Variants in RIMBP2 observed in about 807,000 individuals in gnomAD.
RIMBP2 encodes RIMS-binding protein 2.
In RIMBP2, 48 loss-of-function variants were observed where a neutral mutation model predicts 118.6. The observed-to-expected ratio is 0.40, with a 90% confidence interval of 0.32 to 0.51. The LOEUF is 0.51. Among genes scored for constraint, RIMBP2 ranks in the 20% least tolerant of loss-of-function variants. RIMBP2 has a pLI of 0.41. For synonymous variants in RIMBP2, 762 were observed against 742.9 expected, an observed-to-expected ratio of 1.03 and a Z score of -0.42; for missense variants, 1,551 against 1,768.3, an observed-to-expected ratio of 0.88 and a Z score of 2.20.
At chr12:130,451,759 G>A (rs1470806328) in intron 7 of RIMBP2, among the ~76,000 whole-genome samples, 2 of 152,260 alleles carry the variant, frequency 1.3e-5, no homozygotes, top group African/African-American at 4.8e-5. Flanking sequence ...GAGAGAAAGT[G>A]GATCCCGGCG....
intron 4 of RIMBP2, among the ~76,000 whole-genome samples, chr12:130,489,899 G>T (rs992972012): frequency 2.0e-5 from 3 of 152,110 alleles, no homozygotes; most frequent in African/African-American, 7.2e-5. Flanking sequence ...GCCAAGGAGG[G>T]TGGATCACAA....
At chr12:130,490,953 CCT>C (rs1225542990) in intron 4 of RIMBP2, among the ~76,000 whole-genome samples, 19 of 152,244 alleles carry the variant, frequency 1.2e-4, no homozygotes, top group East Asian at 7.7e-4. Context: ...TCCCGAGCCC[CCT>C]GTGTGTAGCA....
At chr12:130,605,105 A>G (rs1220995393) in intron 2 of RIMBP2, among the ~76,000 whole-genome samples, 2 of 152,060 alleles carry the variant, frequency 1.3e-5, no homozygotes, top group African/African-American at 2.4e-5. Context: ...CAGGGTTCAC[A>G]TGACGAGATT....
chr12:130,417,194 G>A (rs1180970436), intron 17 of RIMBP2, among the ~76,000 whole-genome samples: 1 of 152,168 alleles, frequency 6.6e-6, no homozygotes, highest in African/African-American at 2.4e-5. Flanking sequence ...AGATTTCTTG[G>A]AGAACTTAGA....
chr12:130,451,060 G>A (rs1322793775), intron 8 of RIMBP2, 135 bp downstream of exon 8: 6 of 1,047,048 alleles, frequency 5.7e-6, no homozygotes, highest in African/African-American at 1.6e-5. Context: ...GAATTAACAG[G>A]GGCAAAGGGA....
intron 1 of RIMBP2, among the ~76,000 whole-genome samples, chr12:130,684,773 C>CT (rs1285806416): frequency 5.3e-5 from 8 of 152,222 alleles, no homozygotes; most frequent in Non-Finnish European, 8.8e-5. Flanking sequence ...TCCCCATGAT[C>CT]TTTTTTTATC....
intron 4 of RIMBP2, among the ~76,000 whole-genome samples, chr12:130,503,739 A>G (rs1205940617): frequency 1.3e-5 from 2 of 152,158 alleles, no homozygotes; most frequent in Non-Finnish European, 2.9e-5. Context: ...GAATTATGCA[A>G]TTGTTCATAT....
intron 2 of RIMBP2, among the ~76,000 whole-genome samples, chr12:130,586,310 G>C (rs2058877950): frequency 6.6e-6 from 1 of 152,180 alleles, no homozygotes; most frequent in Admixed American, 6.5e-5. Context: ...AAATCAGCCA[G>C]GCATGGTGGC....
At chr12:130,468,578 G>C (rs1213979746) in intron 6 of RIMBP2, among the ~76,000 whole-genome samples, 1 of 152,166 alleles carries the variant, frequency 6.6e-6, no homozygotes, top group African/African-American at 2.4e-5. Flanking sequence ...CTCCACCCCA[G>C]GGGAATAGCA....
At chr12:130,701,264 A>G (rs2065841215) in intron 1 of RIMBP2, among the ~76,000 whole-genome samples, 1 of 152,172 alleles carries the variant, frequency 6.6e-6, no homozygotes, top group Non-Finnish European at 1.5e-5. Context: ...AGCCCCCCTA[A>G]CACAGCGGGG....
chr12:130,424,518 T>C lies in RIMBP2; in HGVS notation c.2753A>G (p.Asp918Gly), dbSNP rs909877115. 104 of 1,231,856 alleles carry C rather than the reference T, an allele frequency of 8.4e-5. No homozygotes were observed. The highest frequency in any genetic ancestry group is 2.1e-4 in the Admixed American group (5 of 23,696). 76.3% of individuals were successfully genotyped at this position (1,231,856 alleles called of 1,614,324 possible). A position where few individuals can be genotyped will look rare whatever the true frequency, so the allele number is the denominator to read the frequency against. Reference protein sequence around the residue: ...RFSRSATRSPDSGLDCGSEED... With the variant: ...RFSRSATRSPGSGLDCGSEED... Reference sequence around the variant, plus strand: ...TTCACTCCCACAGTCCAGGCCGCTGTCCGGGCTCCGGGTGGCCGAGCGGCT... The same window carrying C: ...TTCACTCCCACAGTCCAGGCCGCTGCCCGGGCTCCGGGTGGCCGAGCGGCT... Residue 918 changes from aspartate (D) to glycine (G), a missense_variant, in exon 16 of 23, where the codon GAC (aspartate) becomes GGC (glycine). Asp to Gly is a moderately conservative substitution (Grantham distance 94). This residue lies in a region of RIMBP2 where 1,038 missense variants were observed against 1,125.1 expected (regional missense o/e 0.92). Coordinates refer to ENST00000690449, the MANE Select transcript of RIMBP2 (RefSeq NM_001393629.1). This position sits in a 1 kb window ranked among gnomAD's most constrained non-coding sequence, Gnocchi z 9.8.
Position 130,470,740 on chromosome 12 carries a change from G to A in RIMBP2, c.106C>T (p.Gln36Ter). The change falls in exon 6 of 23, where the codon CAG (glutamine) becomes TAG (stop). Residue 36 changes from glutamine (Q) to a stop codon, truncating the protein, a stop_gained. Transcript: ENST00000690449. LOFTEE classifies it high-confidence loss of function. ...QQEIDLLQKA[Q>*]VEAKKEHEGA... ...TCATGCTCCTTCTTAGCCTCAACCTGAGCCTTTTTTATGATGAAAAGAGAG... is the reference window on the plus strand; with the variant it reads ...TCATGCTCCTTCTTAGCCTCAACCTAAGCCTTTTTTATGATGAAAAGAGAG... 1 of 1,231,688 alleles carries A rather than the reference G, an allele frequency of 8.1e-7. No individual in the cohort carries two copies. The highest frequency in any genetic ancestry group is 1.0e-6 in the Non-Finnish European group (1 of 987,654). 76.3% of individuals were successfully genotyped at this position (1,231,688 alleles called of 1,614,324 possible). A position where few individuals can be genotyped will look rare whatever the true frequency, so the allele number is the denominator to read the frequency against.
chr12:130,588,514 C>T (rs111349194), intron 2 of RIMBP2, among the ~76,000 whole-genome samples: 4 of 152,142 alleles, frequency 2.6e-5, no homozygotes, highest in Admixed American at 1.3e-4. Flanking sequence ...CCGGTCACTG[C>T]GAGTCACCCA....
At chr12:130,653,660 G>T (rs1007759939) in intron 1 of RIMBP2, among the ~76,000 whole-genome samples, 2 of 152,216 alleles carry the variant, frequency 1.3e-5, no homozygotes, top group Admixed American at 6.5e-5. Flanking sequence ...TTTTCTGTGG[G>T]GGCTCCACCC....
chr12:130,613,864 G>A (rs1405617417), intron 2 of RIMBP2, among the ~76,000 whole-genome samples: 1 of 151,422 alleles, frequency 6.6e-6, no homozygotes, highest in Non-Finnish European at 1.5e-5. Context: ...GCTCTCATCG[G>A]CCTTTTCCGT....
In RIMBP2 at chr12:130,442,647, A is replaced by G. The variant is rs1203614884; in HGVS notation, c.705T>C (p.Asp235=). 6 of 1,613,696 alleles carry G rather than the reference A, an allele frequency of 3.7e-6. No homozygotes were observed. The highest frequency in any genetic ancestry group is 5.1e-6 in the Non-Finnish European group (6 of 1,179,848). The change falls in exon 11 of 23, where the codon GAT becomes GAC. Residue 235 remains aspartate, a synonymous_variant. Transcript: ENST00000690449. The surrounding 1 kb of genome is among the most constrained non-coding windows in gnomAD (Gnocchi z 6.9). ...EDGFYEGELL[D]GQRGLVPSNF... is the part of the protein sequence containing the mutation. The stretch of plus-strand genomic sequence containing the variant: ...TGGAGGGCACCAGACCCCTCTGGCC[A>G]TCGAGGAGCTCTCCTGTTGGGTACA...
rs113665199 is a variant in RIMBP2, at chr12:130,676,342, G to A, written c.-352+39880C>T. On this transcript the variant is annotated intron_variant, in intron 1 of 22. Coordinates refer to ENST00000690449, the MANE Select transcript of RIMBP2 (RefSeq NM_001393629.1). The stretch of plus-strand genomic sequence containing the variant: ...ATTAAAAAAAAAAAAAAAAAAACGG[G>A]GGCCAGGCACGGTTGCTCACGCCTG... Among the ~76,000 whole-genome samples, 607 of 151,630 alleles carry A rather than the reference G, an allele frequency of 4.0e-3. 3 individuals carry two copies. The highest frequency in any genetic ancestry group is 0.014 in the African/African-American group (569 of 41,374).
chr12:130,648,778 T>C (rs910758902), intron 1 of RIMBP2, among the ~76,000 whole-genome samples: 1 of 143,808 alleles, frequency 7.0e-6, no homozygotes, highest in Admixed American at 7.0e-5. Flanking sequence ...CTCCTCAGCC[T>C]CCCGAGTAGC....
rs2064911060 is a variant in RIMBP2 at position 130,683,728 on chromosome 12, C to CT, written c.-352+32493dup. 6.6e-6 allele frequency among the ~76,000 whole-genome samples: 1 copy of CT among 152,208 alleles called. No homozygotes were observed. The highest frequency in any genetic ancestry group is 2.1e-4 in the South Asian group (1 of 4,828). ...CCTCATTGCTACACTCCCACCAGCA[C>CT]TACGACAATTTACAAACGCCATGGC... is the stretch of plus-strand genomic sequence containing the variant. On this transcript the variant is annotated intron_variant, in intron 1 of 22. Coordinates refer to ENST00000690449, the MANE Select transcript of RIMBP2 (RefSeq NM_001393629.1). The surrounding 1 kb of genome is among the most constrained non-coding windows in gnomAD (Gnocchi z 4.4).
Sources: allele counts gnomAD v4.1 joint callset (sites outside exome capture counted in the v4.1 genomes callset), GRCh38; gene constraint gnomAD v4.1.1; regional missense constraint gnomAD v4.1.1; non-coding constraint Gnocchi (gnomAD v3.1); transcripts MANE v1.5; gene names NCBI Gene and HGNC (gene_info 2026-07-23, HGNC 2026-07-21).